The following RAPGEF6 variants were observed in gnomAD, a reference collection of about 807,000 sequenced individuals.
The protein encoded by RAPGEF6 is Rap guanine nucleotide exchange factor 6.
A neutral mutation model predicts 171.4 loss-of-function variants in RAPGEF6; 56 were observed. That is an observed-to-expected ratio of 0.33 (90% CI 0.26 to 0.41). RAPGEF6 has a LOEUF of 0.41. Ranked by LOEUF, RAPGEF6 falls within the 10% of genes least tolerant of loss-of-function variation. RAPGEF6 has a pLI of 1.00. For synonymous variants in RAPGEF6, 692 were observed against 650.1 expected (o/e 1.06, Z -0.98); for missense variants, 1,674 against 1,921.4 (o/e 0.87, Z 2.41).
At chr5:131,518,400 T>G (rs1430555198) in intron 7 of RAPGEF6, among the ~76,000 whole-genome samples, 1 of 9,330 alleles carries the variant, frequency 1.1e-4, no homozygotes, top group East Asian at 8.1e-4. Context: ...GAGTTTGAAA[T>G]TTTTTTTTTT....
At chr5:131,451,346 G>A (rs542784662) in intron 21 of RAPGEF6, among the ~76,000 whole-genome samples, 1 of 152,190 alleles carries the variant, frequency 6.6e-6, no homozygotes, top group South Asian at 2.1e-4. Context: ...CACTTTGGCA[G>A]GCTGAGGCAT....
chr5:131,469,770 A>G, intron 17 of RAPGEF6: 1 of 1,443,482 alleles, frequency 6.9e-7, no homozygotes, highest in Non-Finnish European at 9.3e-7. Flanking sequence ...AAACAAGGGC[A>G]ATAGAATACT....
intron 6 of RAPGEF6, among the ~76,000 whole-genome samples, chr5:131,523,173 A>G (rs1186553170): frequency 6.6e-6 from 1 of 152,164 alleles, no homozygotes; most frequent in African/African-American, 2.4e-5. Context: ...CACAGTCTCT[A>G]AAATAACTGT....
At chr5:131,511,756 C>A (rs577132682) in intron 7 of RAPGEF6, among the ~76,000 whole-genome samples, 110 of 152,254 alleles carry the variant, frequency 7.2e-4, no homozygotes, top group African/African-American at 2.4e-3. Context: ...CCACCTTGGC[C>A]TCCCAAAATG....
At chr5:131,483,557 A>C (rs1038582599) in intron 15 of RAPGEF6, among the ~76,000 whole-genome samples, 1 of 152,084 alleles carries the variant, frequency 6.6e-6, no homozygotes, top group Non-Finnish European at 1.5e-5. Flanking sequence ...AATCAAAAGT[A>C]AAAGTGCCAA....
intron 19 of RAPGEF6, 146 bp from the exon 20 acceptor site, chr5:131,456,158 G>GA (rs1188747193): frequency 1.5e-5 from 9 of 591,628 alleles, no homozygotes; most frequent in Admixed American, 6.4e-5. Context: ...GAAAAACTGA[G>GA]AAAAAAATAA....
intron 4 of RAPGEF6, among the ~76,000 whole-genome samples, chr5:131,573,185 C>T (rs1561573448): frequency 6.6e-6 from 1 of 152,086 alleles, no homozygotes; most frequent in Non-Finnish European, 1.5e-5. Flanking sequence ...TCTTCGGCAG[C>T]CTCTGCTCCC....
At chr5:131,440,040 A>G in intron 23 of RAPGEF6, 1 of 389,394 alleles carries the variant, frequency 2.6e-6, no homozygotes, top group South Asian at 2.1e-5. Flanking sequence ...AATCTTCAAA[A>G]AGAAGGCATG....
chr5:131,446,621 G>C lies in RAPGEF6; in HGVS notation c.3283C>G (p.Leu1095Val). 1 of 1,614,216 alleles carries C rather than the reference G, an allele frequency of 6.2e-7. No individual in the cohort carries two copies. Among genetic ancestry groups the C allele is most frequent in the Non-Finnish European group, 8.5e-7 (1 of 1,180,014 alleles). ...TCATATAGCTTCTTGGCATTAAGCAGAGAGCTGCGGCGTGCCCTTTTTTTG... is the reference window on the plus strand; with the variant it reads ...TCATATAGCTTCTTGGCATTAAGCACAGAGCTGCGGCGTGCCCTTTTTTTG... ...AHKKRARRSS[L>V]LNAKKLYEDA... Residue 1095 changes from leucine to valine, a missense_variant, in exon 22 of 28, where the codon CTG (leucine) becomes GTG (valine). Physicochemically the swap from Leu to Val is conservative, Grantham distance 32. Coordinates refer to ENST00000509018, the MANE Select transcript of RAPGEF6 (RefSeq NM_016340.6).
Position 131,479,647 on chromosome 5 carries a change from T to C in RAPGEF6, c.1947A>G (p.Pro649=), listed in dbSNP as rs1463370085. The change falls in exon 16 of 28, where the codon CCA becomes CCG. Residue 649 remains proline, a synonymous_variant. Transcript: ENST00000509018. ...KSNRHSIQHV[P]GDIEQTSQEK... ...CCTGTGATGTCTGTTCAATATCTCC[T>C]GGCACATGCTGGATAGAATGGCGAT... 6.2e-7 allele frequency: 1 copy of C among 1,613,994 alleles called. No homozygotes were observed. The highest frequency in any genetic ancestry group is 1.3e-5 in the African/African-American group (1 of 74,936).
At chr5:131,442,690 A>G (rs768782565) in intron 22 of RAPGEF6, among the ~76,000 whole-genome samples, 153 bp from the exon 23 acceptor site, 2 of 152,266 alleles carry the variant, frequency 1.3e-5, no homozygotes, top group Non-Finnish European at 2.9e-5. Context: ...GTTAAGTACT[A>G]TAAGATGTTA....
At position 131,481,866 on chromosome 5, in the gene RAPGEF6, C is replaced by T. The variant is rs367663774; in HGVS notation, c.1841-2113G>A. ...TACATACAGCTTTGAGCAGTATATG[C>T]TGCACCTTTTTTTATTTTTTAAGTT... On this transcript the variant is annotated intron_variant, in intron 15 of 27. Transcript: ENST00000509018. Among the ~76,000 whole-genome samples the T allele has an allele frequency of 5.9e-5, 9 of 152,274 alleles. No individual in the cohort carries two copies. In the East Asian group the frequency reaches 1.5e-3, roughly 26 times the overall value.
chr5:131,533,308 C>A (rs1759534913), intron 6 of RAPGEF6, among the ~76,000 whole-genome samples: 1 of 151,572 alleles, frequency 6.6e-6, no homozygotes, highest in Admixed American at 6.6e-5. Context: ...TTTAAAAATC[C>A]ATTTTGATTT....
At chr5:131,449,682 T>C (rs1314658542) in intron 21 of RAPGEF6, among the ~76,000 whole-genome samples, 1 of 152,166 alleles carries the variant, frequency 6.6e-6, no homozygotes. Context: ...TATAGGGTAG[T>C]AGTAGAATTA....
At chr5:131,611,181 T>C (rs905760695) in intron 1 of RAPGEF6, among the ~76,000 whole-genome samples, 8 of 152,248 alleles carry the variant, frequency 5.3e-5, no homozygotes, top group African/African-American at 1.9e-4. Flanking sequence ...CTGGTGTGAA[T>C]GCTCTACCAA....
At chr5:131,620,542 C>G (rs1765535573) in intron 1 of RAPGEF6, among the ~76,000 whole-genome samples, 1 of 152,120 alleles carries the variant, frequency 6.6e-6, no homozygotes, top group Admixed American at 6.6e-5. Context: ...TTCAGTATTT[C>G]CCAGTGAATA....
chr5:131,482,809 C>CAGAA, intron 15 of RAPGEF6, among the ~76,000 whole-genome samples: 1 of 152,206 alleles, frequency 6.6e-6, no homozygotes, highest in South Asian at 2.1e-4. Flanking sequence ...AAAAAGAAAT[C>CAGAA]AGAAAGATGA....
chr5:131,492,878 A>G, intron 13 of RAPGEF6, 93 bp from the exon 14 acceptor site: 1 of 1,210,888 alleles, frequency 8.3e-7, no homozygotes, highest in Non-Finnish European at 1.2e-6. Flanking sequence ...AGAGTTATAA[A>G]TATACATGTA....
In RAPGEF6 at chr5:131,631,215, T is replaced by C. The variant is rs141232706; in HGVS notation, c.69+3747A>G. 1.5e-3 allele frequency among the ~76,000 whole-genome samples: 223 copies of C among 152,356 alleles called. 1 individual carries two copies. Among genetic ancestry groups the C allele is most frequent in the African/African-American group, 5.1e-3 (213 of 41,570 alleles). On this transcript the variant is annotated intron_variant, in intron 1 of 27. Coordinates refer to ENST00000509018, the MANE Select transcript of RAPGEF6 (RefSeq NM_016340.6). ...ATTGTTATCTCCAGCTCAGGCTTCT[T>C]AGTAATACAAATTTGTATATGCAAC... is the stretch of plus-strand genomic sequence containing the variant.
Sources: gnomAD v4.1 joint callset for allele counts (sites outside exome capture counted in the v4.1 genomes callset) on GRCh38, gnomAD v4.1.1 for gene constraint, MANE v1.5 for transcripts, NCBI Gene and HGNC (gene_info 2026-07-23, HGNC 2026-07-21) for gene names.